The following AKAP6 variants were observed in gnomAD, a reference collection of about 807,000 sequenced individuals.
AKAP6 encodes the protein A-kinase anchor protein 6.
Under a neutral mutation model 188.5 loss-of-function variants are expected in AKAP6, and 58 were observed. The ratio of observed to expected loss-of-function variants is 0.31; its 90% CI spans 0.25 to 0.38. The LOEUF (loss-of-function observed/expected upper bound fraction) is 0.38. Ranked by LOEUF, AKAP6 falls within the 10% of genes least tolerant of loss-of-function variation. AKAP6 has a pLI of 1.00. For synonymous variants in AKAP6, 989 were observed against 998.6 expected (o/e 0.99, Z 0.18); for missense variants, 2,710 against 2,740.0 (o/e 0.99, Z 0.24).
chr14:32,683,043 G>A (rs983032948), intron 8 of AKAP6, among the ~76,000 whole-genome samples: 2 of 137,852 alleles, frequency 1.5e-5, no homozygotes, highest in African/African-American at 5.7e-5. Flanking sequence ...GCCCAGGCTG[G>A]AGTGCAGTGG....
At chr14:32,738,208 G>T (rs930742803) in intron 11 of AKAP6, among the ~76,000 whole-genome samples, 3 of 152,120 alleles carry the variant, frequency 2.0e-5, no homozygotes, top group Non-Finnish European at 4.4e-5. Flanking sequence ...AATGCCATTG[G>T]CTGGAAAGCA....
intron 9 of AKAP6, among the ~76,000 whole-genome samples, chr14:32,725,102 T>A (rs2030803255): frequency 1.3e-5 from 2 of 150,984 alleles, no homozygotes; most frequent in East Asian, 3.9e-4. Flanking sequence ...TCACATGCCT[T>A]CACAGTAACA....
rs1318668756 is a variant in AKAP6, at chr14:32,723,551, A to G, written c.3001-8903A>G. Among the ~76,000 whole-genome samples, 686 of 143,618 alleles carry G rather than the reference A, an allele frequency of 4.8e-3. 7 individuals carry two copies. Among genetic ancestry groups the G allele is most frequent in the African/African-American group, 0.015 (579 of 39,328 alleles). 94.2% of individuals were successfully genotyped at this position (143,618 alleles called of 152,430 possible). On this transcript the variant is annotated intron_variant, in intron 9 of 13. Transcript: ENST00000280979. Reference sequence around the variant, plus strand: ...TCACATAATATATATATGTGTGCGTATGTGTTTATGTGTGTGTGTGTGTGT... The same window carrying G: ...TCACATAATATATATATGTGTGCGTGTGTGTTTATGTGTGTGTGTGTGTGT...
Position 32,628,936 on chromosome 14 carries a change from C to A in AKAP6, c.2730+28144C>A, listed in dbSNP as rs954288725. Among the ~76,000 whole-genome samples the A allele has an allele frequency of 3.3e-5, 5 of 151,970 alleles. No homozygotes were observed. In the East Asian group the frequency reaches 7.8e-4, roughly 24 times the overall value. On this transcript the variant is annotated intron_variant, in intron 7 of 13. Transcript: ENST00000280979. ...AAGTTAATGCCAGAACTTTACCATT[C>A]GTGATTTATAAATAAGCTGTTTTCT...
chr14:32,578,232 A>T (rs1221481051), intron 5 of AKAP6, among the ~76,000 whole-genome samples: 1 of 152,122 alleles, frequency 6.6e-6, no homozygotes, highest in Non-Finnish European at 1.5e-5. Flanking sequence ...GAGGGAGAAA[A>T]GAGGGGAAAG....
chr14:32,394,466 C>T (rs141997569), intron 1 of AKAP6, among the ~76,000 whole-genome samples: 2 of 152,112 alleles, frequency 1.3e-5, no homozygotes, highest in Admixed American at 1.3e-4. Context: ...GATGGAACAT[C>T]AGTGTCAGAG....
intron 1 of AKAP6, among the ~76,000 whole-genome samples, chr14:32,398,856 T>TTG (rs1888978241): frequency 1.3e-5 from 1 of 74,914 alleles, no homozygotes; most frequent in African/African-American, 4.8e-5. Flanking sequence ...TTTTTTTTTT[T>TTG]TTTTTTTTTT....
intron 7 of AKAP6, among the ~76,000 whole-genome samples, chr14:32,618,011 A>T (rs1295073416): frequency 6.6e-6 from 1 of 152,166 alleles, no homozygotes; most frequent in Non-Finnish European, 1.5e-5. Context: ...ACCTAGGACT[A>T]AATTGATTTA....
chr14:32,640,912 T>C (rs1016262136), intron 7 of AKAP6, among the ~76,000 whole-genome samples: 1 of 152,138 alleles, frequency 6.6e-6, no homozygotes, highest in African/African-American at 2.4e-5. Context: ...AGATGTAAAA[T>C]ACATAAGTGA....
intron 5 of AKAP6, among the ~76,000 whole-genome samples, chr14:32,584,629 C>T (rs996286844): frequency 2.6e-5 from 4 of 152,124 alleles, no homozygotes; most frequent in African/African-American, 9.7e-5. Context: ...GTAATTCTTC[C>T]CTCCTACCCC....
chr14:32,492,069 C>T (rs1880045297), intron 2 of AKAP6, among the ~76,000 whole-genome samples: 1 of 151,982 alleles, frequency 6.6e-6, no homozygotes, highest in Non-Finnish European at 1.5e-5. Context: ...CCCACCCTTG[C>T]AAACTAAGCT....
At chr14:32,671,914 T>C (rs931813208) in intron 7 of AKAP6, among the ~76,000 whole-genome samples, 3 of 152,172 alleles carry the variant, frequency 2.0e-5, no homozygotes, top group Non-Finnish European at 2.9e-5. Context: ...AAAAATTGCT[T>C]TTTATGACAA....
At chr14:32,786,318 TTTTTTTTG>T in intron 12 of AKAP6, among the ~76,000 whole-genome samples, 2 of 111,014 alleles carry the variant, frequency 1.8e-5, no homozygotes, top group Non-Finnish European at 1.9e-5. Context: ...TTTTTTTTTT[TTTTTTTTG>T]AGACGGAATC....
At chr14:32,753,216 T>C (rs2032205862) in intron 11 of AKAP6, among the ~76,000 whole-genome samples, 1 of 152,116 alleles carries the variant, frequency 6.6e-6, no homozygotes, top group South Asian at 2.1e-4. Flanking sequence ...CTTGCTATCT[T>C]TTCTCTTTTT....
chr14:32,466,982 T>A (rs923219540), intron 2 of AKAP6, among the ~76,000 whole-genome samples: 2 of 151,038 alleles, frequency 1.3e-5, no homozygotes, highest in Non-Finnish European at 2.9e-5. Flanking sequence ...ATAATGGTAT[T>A]GTGGTTGTAT....
intron 7 of AKAP6, among the ~76,000 whole-genome samples, chr14:32,614,677 C>T (rs955967063): frequency 4.6e-5 from 7 of 152,116 alleles, no homozygotes; most frequent in Non-Finnish European, 5.9e-5. Context: ...ACAGCATCAC[C>T]TGTTTTGTCC....
At chr14:32,720,386 G>A (rs1456660384) in intron 9 of AKAP6, among the ~76,000 whole-genome samples, 4 of 152,142 alleles carry the variant, frequency 2.6e-5, no homozygotes, top group Non-Finnish European at 5.9e-5. Flanking sequence ...GCATATCATT[G>A]CTTTATCTCA....
At chr14:32,510,427 T>C (rs527920020) in intron 2 of AKAP6, among the ~76,000 whole-genome samples, 1,987 of 80,242 alleles carry the variant, frequency 0.025, 78 homozygotes, top group African/African-American at 0.067. Context: ...TATATATACA[T>C]ATATATATGT....
chr14:32,522,278 G>A (rs1881879693), intron 2 of AKAP6, among the ~76,000 whole-genome samples: 1 of 152,176 alleles, frequency 6.6e-6, no homozygotes, highest in Non-Finnish European at 1.5e-5. Context: ...ATAGGCATGG[G>A]CAAGTACTTC....
Sources: gnomAD v4.1 joint callset for allele counts (sites outside exome capture counted in the v4.1 genomes callset) on GRCh38, gnomAD v4.1.1 for gene constraint, MANE v1.5 for transcripts, NCBI Gene and HGNC (gene_info 2026-07-23, HGNC 2026-07-21) for gene names.